The following CFAP299 variants were observed in gnomAD, a reference collection of about 807,000 sequenced individuals.
The protein encoded by CFAP299 is cilia and flagella associated protein 299, also known as cilia- and flagella-associated protein 299.
Under a neutral mutation model 27.0 loss-of-function variants are expected in CFAP299, and 21 were observed. The observed-to-expected ratio is 0.78, with a 90% confidence interval of 0.55 to 1.12. The LOEUF is 1.12. Ranked by LOEUF, CFAP299 falls within the 50% of genes most tolerant of loss-of-function variation. The probability of loss-of-function intolerance (pLI) is 0.00; values close to 1 mark genes in which losing one functional copy is unlikely to be tolerated. For synonymous variants in CFAP299, 104 were observed against 98.1 expected, an observed-to-expected ratio of 1.06 and a Z score of -0.36; for missense variants, 310 against 276.6, an observed-to-expected ratio of 1.12 and a Z score of -0.86.
intron 2 of CFAP299, among the ~76,000 whole-genome samples, chr4:80,463,368 G>T (rs1007953755): frequency 1.8e-4 from 28 of 152,118 alleles, no homozygotes; most frequent in African/African-American, 6.5e-4. Flanking sequence ...AGGATCCTCT[G>T]TGAAGAATTT....
chr4:80,700,597 G>C (rs1578036136), intron 3 of CFAP299, among the ~76,000 whole-genome samples: 1 of 151,998 alleles, frequency 6.6e-6, no homozygotes, highest in Non-Finnish European at 1.5e-5. Context: ...CTAGAAGAAA[G>C]TGAGAATGCA....
At chr4:80,831,654 C>T (rs975583379) in intron 3 of CFAP299, among the ~76,000 whole-genome samples, 1 of 152,108 alleles carries the variant, frequency 6.6e-6, no homozygotes, top group African/African-American at 2.4e-5. Flanking sequence ...AAGTGAGTTA[C>T]ATACAATGAA....
At chr4:80,344,031 G>A (rs1409505115) in intron 1 of CFAP299, among the ~76,000 whole-genome samples, 1 of 151,984 alleles carries the variant, frequency 6.6e-6, no homozygotes, top group Non-Finnish European at 1.5e-5. Flanking sequence ...CTAAATGCCT[G>A]CATCAAAAGA....
intron 2 of CFAP299, among the ~76,000 whole-genome samples, chr4:80,472,547 C>T (rs1461566560): frequency 6.6e-6 from 1 of 152,102 alleles, no homozygotes; most frequent in African/African-American, 2.4e-5. Flanking sequence ...TTGACTTCAA[C>T]AGGGATAACA....
At chr4:80,958,038 T>G (rs1738153810) in intron 5 of CFAP299, among the ~76,000 whole-genome samples, 1 of 152,174 alleles carries the variant, frequency 6.6e-6, no homozygotes, top group African/African-American at 2.4e-5. Context: ...AATTGGACTT[T>G]TAAGGCCCTC....
intron 3 of CFAP299, among the ~76,000 whole-genome samples, chr4:80,753,206 T>C (rs763173380): frequency 2.2e-4 from 33 of 152,146 alleles, no homozygotes; most frequent in Admixed American, 3.3e-4. Flanking sequence ...CTATTTATTT[T>C]TGTCTACAAA....
chr4:80,648,643 ACTC>A (rs1166702819), intron 3 of CFAP299, among the ~76,000 whole-genome samples: 1 of 152,174 alleles, frequency 6.6e-6, no homozygotes, highest in African/African-American at 2.4e-5. Context: ...ATATTGTACT[ACTC>A]AAAGAAAATT....
intron 3 of CFAP299, among the ~76,000 whole-genome samples, chr4:80,699,555 G>A (rs540878192): frequency 1.3e-5 from 2 of 152,238 alleles, no homozygotes; most frequent in African/African-American, 4.8e-5. Context: ...AAGAAATATT[G>A]TTAGCTAATG....
intron 3 of CFAP299, among the ~76,000 whole-genome samples, chr4:80,629,118 A>C (rs1739074512): frequency 6.6e-6 from 1 of 152,194 alleles, no homozygotes; most frequent in Admixed American, 6.5e-5. Context: ...ACAATGGAAT[A>C]CTATTAAGCC....
At chr4:80,736,120 C>A (rs1341588820) in intron 3 of CFAP299, among the ~76,000 whole-genome samples, 1 of 152,024 alleles carries the variant, frequency 6.6e-6, no homozygotes, top group Non-Finnish European at 1.5e-5. Flanking sequence ...CTTTGGTTGC[C>A]ATTGCTTTTG....
At chr4:80,741,204 G>T (rs1724246712) in intron 3 of CFAP299, among the ~76,000 whole-genome samples, 1 of 152,160 alleles carries the variant, frequency 6.6e-6, no homozygotes, top group East Asian at 1.9e-4. Context: ...CATTCCCTGG[G>T]TAATCACTGT....
At chr4:80,868,098 C>A (rs765809220) in intron 3 of CFAP299, among the ~76,000 whole-genome samples, 1 of 152,132 alleles carries the variant, frequency 6.6e-6, no homozygotes, top group Non-Finnish European at 1.5e-5. Context: ...CATCACAACA[C>A]TTTAATCACT....
chr4:80,719,774 C>T (rs1249809086), intron 3 of CFAP299, among the ~76,000 whole-genome samples: 5 of 152,100 alleles, frequency 3.3e-5, no homozygotes. Context: ...TCCAGCTCAC[C>T]ATCTTGTCCA....
At chr4:80,336,346 G>T (rs1722140770) in intron 1 of CFAP299, among the ~76,000 whole-genome samples, 1 of 152,172 alleles carries the variant, frequency 6.6e-6, no homozygotes, top group African/African-American at 2.4e-5. Flanking sequence ...TATATTGGGC[G>T]TTTGGGTTCA....
chr4:80,572,094 C>T (rs1276102372), intron 2 of CFAP299, among the ~76,000 whole-genome samples: 1 of 151,996 alleles, frequency 6.6e-6, no homozygotes, highest in Non-Finnish European at 1.5e-5. Flanking sequence ...TATGGGAGTA[C>T]ATGAGATATT....
intron 3 of CFAP299, among the ~76,000 whole-genome samples, chr4:80,856,512 T>C (rs1731899718): frequency 1.3e-5 from 2 of 152,064 alleles, no homozygotes; most frequent in Non-Finnish European, 2.9e-5. Flanking sequence ...GCCTAGGTTT[T>C]CTTCTAGGGT....
chr4:80,709,483 C>T (rs916973699), intron 3 of CFAP299, among the ~76,000 whole-genome samples: 2 of 152,130 alleles, frequency 1.3e-5, no homozygotes, highest in East Asian at 1.9e-4. Context: ...TTATTGAGCA[C>T]GTTTCTTCCT....
intron 3 of CFAP299, among the ~76,000 whole-genome samples, chr4:80,663,914 G>T (rs1024311138): frequency 1.3e-5 from 2 of 151,900 alleles, no homozygotes; most frequent in Non-Finnish European, 2.9e-5. Flanking sequence ...TCATATGTTT[G>T]TTGGCCGCAT....
At chr4:80,548,148 A>G (rs1601515) in intron 2 of CFAP299, among the ~76,000 whole-genome samples, 57,359 of 151,952 alleles carry the variant, frequency 0.38, 14,221 homozygotes, top group African/African-American at 0.71. Flanking sequence ...ATGGTGAACC[A>G]GATAAAGAAA....
Sources: gnomAD v4.1 joint callset for allele counts (sites outside exome capture counted in the v4.1 genomes callset) on GRCh38, gnomAD v4.1.1 for gene constraint, MANE v1.5 for transcripts, NCBI Gene and HGNC (gene_info 2026-07-23, HGNC 2026-07-21) for gene names.